Variants in MYH10 observed in about 807,000 individuals in gnomAD.
MYH10 encodes myosin heavy chain 10.
MYH10 carries 55 observed loss-of-function variants against 257.8 expected under a neutral mutation model. The observed-to-expected ratio is 0.21, with a 90% CI of 0.17 to 0.27. The LOEUF (loss-of-function observed/expected upper bound fraction) is 0.27. MYH10 is among the 10% of genes least tolerant of loss of function. The pLI is 1.00. For synonymous variants in MYH10, 854 were observed against 921.7 expected, an observed-to-expected ratio of 0.93 and a Z score of 1.33; for missense variants, 1,631 against 2,500.6, an observed-to-expected ratio of 0.65 and a Z score of 7.42.
intron 3 of MYH10, among the ~76,000 whole-genome samples, chr17:8,592,816 G>GAAAAAAAAAAAAAAAAAAA (rs67151329): frequency 3.3e-5 from 1 of 30,418 alleles, no homozygotes; most frequent in Non-Finnish European, 5.8e-5. Context: ...AATGAAATCA[G>GAAAAAAAAAAAAAAAAAAA]AAAAAAAAAA....
At position 8,511,040 on chromosome 17, in the gene MYH10, AT is replaced by A. The variant is rs1472320060; in HGVS notation, c.2953-1092del. 7 of 8,058 alleles carry A rather than the reference AT, an allele frequency of 8.7e-4. 1 individual carries two copies. The highest frequency in any genetic ancestry group is 1.3e-3 in the African/African-American group (7 of 5,590). The allele number at this position is 8,058 out of a possible 1,614,324, so 0.5% of individuals were successfully genotyped here. A position where few individuals can be genotyped will look rare whatever the true frequency, so the allele number is the denominator to read the frequency against. ...CATATATATATATATATATATATAT[AT>A]ATATATATATATATATATACACACA... On this transcript the variant is annotated intron_variant, in intron 24 of 42. Coordinates refer to ENST00000360416, the MANE Select transcript of MYH10 (RefSeq NM_001256012.3).
rs141816976 is a variant in MYH10 at position 8,560,810 on chromosome 17, C to T, written c.757-6792G>A. On this transcript the variant is annotated intron_variant, in intron 7 of 42. Transcript: ENST00000360416. ...GACACAAATGGTTCCCAGTTTTTCACCTGTGTGGCCAAGACTGAGTGGCTG... is the reference window on the plus strand; with the variant it reads ...GACACAAATGGTTCCCAGTTTTTCATCTGTGTGGCCAAGACTGAGTGGCTG... 2.2e-3 allele frequency: 1,319 copies of T among 589,176 alleles called. 18 individuals carry two copies. The African/African-American group carries it at 0.023, about 10-fold the overall frequency. 36.5% of individuals were successfully genotyped at this position (589,176 alleles called of 1,614,324 possible). A position where few individuals can be genotyped will look rare whatever the true frequency, so the allele number is the denominator to read the frequency against.
intron 3 of MYH10, among the ~76,000 whole-genome samples, chr17:8,590,407 G>A (rs913224097): frequency 5.9e-5 from 9 of 151,750 alleles, no homozygotes; most frequent in African/African-American, 1.9e-4. Flanking sequence ...CCGTCTCCTC[G>A]GCTCAAGTAA....
At chr17:8,576,134 T>C (rs1438230471) in intron 6 of MYH10, among the ~76,000 whole-genome samples, 5 of 152,206 alleles carry the variant, frequency 3.3e-5, no homozygotes. Flanking sequence ...CATACCACTG[T>C]GCCCAGCTCT....
chr17:8,601,302 A>G (rs964482018), intron 3 of MYH10, among the ~76,000 whole-genome samples: 7 of 152,202 alleles, frequency 4.6e-5, no homozygotes, highest in African/African-American at 7.2e-5. Context: ...TCAGATGATT[A>G]TGTGCAAGGT....
chr17:8,536,776 G>A (rs889799263), intron 14 of MYH10, among the ~76,000 whole-genome samples: 1 of 140,786 alleles, frequency 7.1e-6, no homozygotes, highest in Admixed American at 7.3e-5. Context: ...TCCAGCCTGG[G>A]TAACAGAGCA....
In MYH10 at chr17:8,521,224, T is replaced by A. The variant is rs748799087; in HGVS notation, c.2019A>T (p.Ala673=). The part of the protein sequence containing the change: ...TGMTETAFGS[A]YKTKKGMFRT... ...GAAACATGCCCTTCTTGGTTTTATA[T>A]GCGGAGCCAAAAGCTGTCTCAGTCA... is the stretch of plus-strand genomic sequence containing the variant. Residue 673 remains alanine (A), a synonymous_variant, in exon 18 of 43, where the codon GCA becomes GCT. Transcript: ENST00000360416. 2.5e-6 allele frequency: 4 copies of A among 1,614,248 alleles called. No individual in the cohort carries two copies. Among genetic ancestry groups the A allele is most frequent in the Non-Finnish European group, 3.4e-6 (4 of 1,180,042 alleles).
intron 2 of MYH10, among the ~76,000 whole-genome samples, chr17:8,620,953 C>T (rs1374944947): frequency 6.6e-6 from 1 of 152,160 alleles, no homozygotes; most frequent in African/African-American, 2.4e-5. Context: ...GGAAAAAAAT[C>T]CAACAAACTC....
rs1406269167 is a variant in MYH10, at chr17:8,630,664, A to T, written c.-42T>A. ...AGCCGCACCTCTCACCTTCAGCCGA[A>T]GATGGTGGCGCGGGCGCACGTCCCC... On this transcript the variant is annotated 5_prime_UTR_variant, in exon 1 of 43. Coordinates refer to ENST00000360416, the MANE Select transcript of MYH10 (RefSeq NM_001256012.3). 1.3e-5 allele frequency: 2 copies of T among 152,980 alleles called. No individual in the cohort carries two copies. The highest frequency in any genetic ancestry group is 2.4e-5 in the African/African-American group (1 of 41,424). The allele number at this position is 152,980 out of a possible 1,614,324, so 9.5% of individuals were successfully genotyped here.
In MYH10 at chr17:8,569,106, C is replaced by T. The variant is rs571397482; in HGVS notation, c.756+614G>A. 2.0e-5 allele frequency among the ~76,000 whole-genome samples: 3 copies of T among 151,840 alleles called. No individual in the cohort carries two copies. Among genetic ancestry groups the T allele is most frequent in the East Asian group, 2.0e-4 (1 of 5,118 alleles). On this transcript the variant is annotated intron_variant, in intron 7 of 42. Coordinates refer to ENST00000360416, the MANE Select transcript of MYH10 (RefSeq NM_001256012.3). This position sits in a 1 kb window ranked among gnomAD's most constrained non-coding sequence, Gnocchi z 4.1. ...GTGAAGTAACGTGAGCCTGTAGTCC[C>T]GGCTCCTTGGGAGACTGAGGAAGGA... is the stretch of plus-strand genomic sequence containing the variant.
chr17:8,529,742 G>C (rs1337944745), intron 17 of MYH10, among the ~76,000 whole-genome samples: 1 of 152,090 alleles, frequency 6.6e-6, no homozygotes, highest in African/African-American at 2.4e-5. Flanking sequence ...CTTTTGAGAT[G>C]GATTTGGATC....
At chr17:8,502,056 C>T (rs575339574) in intron 28 of MYH10, among the ~76,000 whole-genome samples, 1 of 152,360 alleles carries the variant, frequency 6.6e-6, no homozygotes, top group South Asian at 2.1e-4. Context: ...GAATTAGCTA[C>T]AACCTCACAC....
At position 8,552,201 on chromosome 17, in the gene MYH10, G is replaced by T. The variant is rs2082663515; in HGVS notation, c.821-57C>A. On this transcript the variant is annotated intron_variant, in intron 8 of 42. Coordinates refer to ENST00000360416, the MANE Select transcript of MYH10 (RefSeq NM_001256012.3). This position sits in a 1 kb window ranked among gnomAD's most constrained non-coding sequence, Gnocchi z 4.8. Reference sequence around the variant, plus strand: ...TAATATAATTCTTAAATAAATAAAGGCCCTCTTTCAGCGTCTGTAAATTTA... The same window carrying T: ...TAATATAATTCTTAAATAAATAAAGTCCCTCTTTCAGCGTCTGTAAATTTA... 2 of 848,104 alleles carry T rather than the reference G, an allele frequency of 2.4e-6. No homozygotes were observed. The highest frequency in any genetic ancestry group is 3.0e-5 in the South Asian group (1 of 33,416). 52.5% of individuals were successfully genotyped at this position (848,104 alleles called of 1,614,324 possible).
intron 14 of MYH10, among the ~76,000 whole-genome samples, chr17:8,536,797 T>C (rs1340513226): frequency 1.5e-5 from 1 of 67,192 alleles, no homozygotes; most frequent in African/African-American, 7.3e-5. Flanking sequence ...AGACTCTGTC[T>C]CAAAAAAAAA....
chr17:8,509,748 A>C, intron 25 of MYH10, 64 bp downstream of exon 25: 1 of 1,466,260 alleles, frequency 6.8e-7, no homozygotes, highest in South Asian at 1.4e-5. Context: ...TGAGTGTATC[A>C]ACATAATATT....
intron 32 of MYH10, 132 bp downstream of exon 32, chr17:8,493,601 A>G: frequency 9.0e-7 from 1 of 1,106,084 alleles, no homozygotes; most frequent in Non-Finnish European, 1.2e-6. Flanking sequence ...AAGAAAAACC[A>G]TTTAATGGGC....
At chr17:8,565,572 T>G (rs147359423) in intron 7 of MYH10, among the ~76,000 whole-genome samples, 1 of 152,376 alleles carries the variant, frequency 6.6e-6, no homozygotes, top group East Asian at 1.9e-4. Context: ...TATCTCTGTT[T>G]CTTGGTCGAA....
At chr17:8,520,265 C>T (rs965078906) in intron 19 of MYH10, among the ~76,000 whole-genome samples, 3 of 151,982 alleles carry the variant, frequency 2.0e-5, no homozygotes, top group Admixed American at 6.6e-5. Flanking sequence ...TTTGGGAGGC[C>T]GAGGCGGGAT....
Position 8,551,968 on chromosome 17 carries a change from C to G in MYH10, c.919+78G>C, listed in dbSNP as rs998106989. 17 of 776,390 alleles carry G rather than the reference C, an allele frequency of 2.2e-5. No individual in the cohort carries two copies. In the African/African-American group the frequency reaches 2.9e-4, roughly 13 times the overall value. The allele number at this position is 776,390 out of a possible 1,614,324, so 48.1% of individuals were successfully genotyped here. On this transcript the variant is annotated intron_variant, in intron 9 of 42. Transcript: ENST00000360416. ...GTTTTGTGTGTAAAAAACTGTTTCC[C>G]AAAATTGTTTTTTCTCAAAAAAAAA...
Sources: allele counts gnomAD v4.1 joint callset (sites outside exome capture counted in the v4.1 genomes callset), GRCh38; gene constraint gnomAD v4.1.1; non-coding constraint Gnocchi (gnomAD v3.1); transcripts MANE v1.5; gene names NCBI Gene and HGNC (gene_info 2026-07-23, HGNC 2026-07-21).